The following ATG2B variants were observed in gnomAD, a reference collection of about 807,000 sequenced individuals.
The protein encoded by ATG2B is autophagy-related protein 2 homolog B.
Under a neutral mutation model 241.3 loss-of-function variants are expected in ATG2B, and 121 were observed. The ratio of observed to expected loss-of-function variants is 0.50; its 90% CI spans 0.43 to 0.58. ATG2B has a LOEUF of 0.58. Among genes scored for constraint, ATG2B ranks in the 20% least tolerant of loss-of-function variants. ATG2B has a pLI of 0.00. For missense variants in ATG2B, 2,306 were observed against 2,491.6 expected, an observed-to-expected ratio of 0.93 and a Z score of 1.59; for synonymous variants, 858 against 876.6, an observed-to-expected ratio of 0.98 and a Z score of 0.37.
chr14:96,312,494 C>A (rs764930332), intron 25 of ATG2B, among the ~76,000 whole-genome samples: 38 of 152,104 alleles, frequency 2.5e-4, no homozygotes, highest in Admixed American at 8.5e-4. Flanking sequence ...GTAATCCCAG[C>A]CGTTTGGGAG....
At chr14:96,332,259 A>T (rs758693355) in intron 10 of ATG2B, 46 bp downstream of exon 10, 21 of 1,479,658 alleles carry the variant, frequency 1.4e-5, no homozygotes, top group African/African-American at 1.3e-4. Flanking sequence ...ATGGCATTTT[A>T]AAAATTCCAG....
rs142232594 is a variant in ATG2B at position 96,301,735 on chromosome 14, G to A, written c.5139+272C>T. On this transcript the variant is annotated intron_variant, in intron 34 of 41. Transcript: ENST00000359933. ...AAATGTATGCATATCTGAACTGGGAGTAGAGTACTTGAGGATTAGAGAACA... is the reference window on the plus strand; with the variant it reads ...AAATGTATGCATATCTGAACTGGGAATAGAGTACTTGAGGATTAGAGAACA... Among the ~76,000 whole-genome samples the A allele has an allele frequency of 4.2e-3, 647 of 152,296 alleles. 26 individuals carry two copies. In the South Asian group the frequency reaches 0.067, roughly 16 times the overall value.
chr14:96,327,026 A>C (rs1263861841), intron 14 of ATG2B, among the ~76,000 whole-genome samples: 5 of 152,196 alleles, frequency 3.3e-5, no homozygotes, highest in Non-Finnish European at 5.9e-5. Context: ...ATAACTAGCA[A>C]TTGATAACAA....
rs1257075197 is a variant in ATG2B at position 96,317,226 on chromosome 14, A to G, written c.3129T>C (p.Ser1043=). The G allele has an allele frequency of 3.1e-6, 5 of 1,613,678 alleles. No individual in the cohort carries two copies. The highest frequency in any genetic ancestry group is 4.2e-6 in the Non-Finnish European group (5 of 1,179,722). ...YRSRRKKKLD[S]QNKNSQSFLS... is the part of the protein sequence containing the mutation. ...GAAAACTCTGAGAGTTCTTGTTCTGAGAGTCTAATTTTTTTTTCCTGCGAG... is the reference window on the plus strand; with the variant it reads ...GAAAACTCTGAGAGTTCTTGTTCTGGGAGTCTAATTTTTTTTTCCTGCGAG... The change falls in exon 20 of 42, where the codon TCT becomes TCC. Residue 1043 remains serine, a synonymous_variant. Transcript: ENST00000359933.
At position 96,311,633 on chromosome 14, in the gene ATG2B, A is replaced by G; in HGVS notation, c.3914-15T>C. ...ACGAACATAATCTAAAATTTTTAAA[A>G]TTAAGAAAATCTCTTCAGTACAGCT... On this transcript the variant is annotated splice_polypyrimidine_tract_variant and intron_variant, in intron 26 of 41. Coordinates refer to ENST00000359933, the MANE Select transcript of ATG2B (RefSeq NM_018036.7). 2 of 1,571,244 alleles carry G rather than the reference A, an allele frequency of 1.3e-6. No individual in the cohort carries two copies. The highest frequency in any genetic ancestry group is 1.7e-6 in the Non-Finnish European group (2 of 1,143,904).
chr14:96,328,679 G>A lies in ATG2B; in HGVS notation c.1969C>T (p.Pro657Ser), dbSNP rs767925669. The A allele has an allele frequency of 5.0e-6, 8 of 1,600,378 alleles. No homozygotes were observed. The South Asian group carries it at 8.0e-5, about 16-fold the overall frequency. The part of the protein sequence containing the change: ...LHYKHSENRG[P>S]QGNQARLSSV... ...TATAGAAAAAGATCTCTTACCTGGG[G>A]CCCTCTATTCTCAGAATGCTTATAA... Residue 657 changes from proline (P) to serine (S), a missense_variant, in exon 13 of 42, where the codon CCC (proline) becomes TCC (serine). By Grantham distance (74) the Pro-to-Ser change is moderately conservative. Around this residue, in one of 2 missense-constraint regions of ATG2B, gnomAD observed 1,927 missense variants for 2,011.2 expected, o/e 0.96. Coordinates refer to ENST00000359933, the MANE Select transcript of ATG2B (RefSeq NM_018036.7).
chr14:96,328,686 A>G lies in ATG2B; in HGVS notation c.1962T>C (p.Asn654=), dbSNP rs535802643. The change falls in exon 13 of 42, where the codon AAT becomes AAC. Residue 654 remains asparagine, a synonymous_variant. Transcript: ENST00000359933. The part of the protein sequence containing the change: ...CLQLHYKHSE[N]RGPQGNQARL... ...AAAGATCTCTTACCTGGGGCCCTCT[A>G]TTCTCAGAATGCTTATAATGAAGCT... 239 of 1,607,140 alleles carry G rather than the reference A, an allele frequency of 1.5e-4. 2 individuals are homozygous for G. The South Asian group carries it at 2.6e-3, about 17-fold the overall frequency.
At position 96,362,797 on chromosome 14, in the gene ATG2B, G is replaced by C. The variant is rs1888702292; in HGVS notation, c.162+18C>G. 3 of 1,583,412 alleles carry C rather than the reference G, an allele frequency of 1.9e-6. No homozygotes were observed. The highest frequency in any genetic ancestry group is 2.6e-6 in the Non-Finnish European group (3 of 1,162,418). On this transcript the variant is annotated intron_variant, in intron 1 of 41. Transcript: ENST00000359933. ...GAGGGGAGCGAGCCCCGCCCGGCTCGCCGCCGGCAGCTCTTACCCATTTGT... is the reference window on the plus strand; with the variant it reads ...GAGGGGAGCGAGCCCCGCCCGGCTCCCCGCCGGCAGCTCTTACCCATTTGT...
At chr14:96,293,078 T>C (rs545172799) in intron 36 of ATG2B, 2 of 152,372 alleles carry the variant, frequency 1.3e-5, no homozygotes, top group South Asian at 2.1e-4. Context: ...GGTTGTACAC[T>C]GATGGTACAC....
chr14:96,353,322 A>G (rs1888382772), intron 1 of ATG2B, among the ~76,000 whole-genome samples: 1 of 152,214 alleles, frequency 6.6e-6, no homozygotes, highest in African/African-American at 2.4e-5. Context: ...CCACTAAGAA[A>G]CAATTTAAAA....
rs183431543 is a variant in ATG2B, at chr14:96,327,447, C to T, written c.2163+900G>A. ...TGATTTAATTTGCTTAGAAAAGACC[C>T]CAGGCACCAGATGCAAGTAAAAGTG... On this transcript the variant is annotated intron_variant, in intron 14 of 41. Coordinates refer to ENST00000359933, the MANE Select transcript of ATG2B (RefSeq NM_018036.7). Among the ~76,000 whole-genome samples the T allele has an allele frequency of 1.8e-3, 271 of 152,166 alleles. 1 individual carries two copies. Among genetic ancestry groups the T allele is most frequent in the Admixed American group, 2.8e-3 (43 of 15,288 alleles).
At position 96,335,235 on chromosome 14, in the gene ATG2B, CTCT is replaced by C. The variant is rs1312940705; in HGVS notation, c.925-737_925-735del. On this transcript the variant is annotated intron_variant, in intron 6 of 41. Coordinates refer to ENST00000359933, the MANE Select transcript of ATG2B (RefSeq NM_018036.7). ...CCCTGCCTTACTTTTCATTCGCCTCCTCTTAACACTGACTCCTATTATTTTTAT... is the reference window on the plus strand; with the variant it reads ...CCCTGCCTTACTTTTCATTCGCCTCCTAACACTGACTCCTATTATTTTTAT... Among the ~76,000 whole-genome samples the C allele has an allele frequency of 5.9e-5, 9 of 152,280 alleles. No individual in the cohort carries two copies. The East Asian group carries it at 1.2e-3, about 20-fold the overall frequency.
At chr14:96,308,253 C>CATATAT (rs1309788039) in intron 29 of ATG2B, among the ~76,000 whole-genome samples, 3 of 36,428 alleles carry the variant, frequency 8.2e-5, no homozygotes, top group Non-Finnish European at 1.3e-4. Context: ...TATATATATA[C>CATATAT]ACACATATAT....
rs191803986 is a variant in ATG2B, at chr14:96,313,069, G to A, written c.3838C>T (p.Leu1280Phe). 10 of 1,600,306 alleles carry A rather than the reference G, an allele frequency of 6.2e-6. No homozygotes were observed. The Admixed American group carries it at 1.2e-4, about 19-fold the overall frequency. ...CAATGAAGTTTACACAGGTACCTGAGAGTAGAGGAAGATTTATCCAATGCA... is the reference window on the plus strand; with the variant it reads ...CAATGAAGTTTACACAGGTACCTGAAAGTAGAGGAAGATTTATCCAATGCA... ...SVALDKSSST[L>F]RIILDEAALH... Residue 1280 changes from leucine (L) to phenylalanine (F), a missense_variant, in exon 25 of 42, where the codon CTC becomes TTC. By Grantham distance (22) the Leu-to-Phe change is conservative. Coordinates refer to ENST00000359933, the MANE Select transcript of ATG2B (RefSeq NM_018036.7).
At chr14:96,294,470 G>A (rs760928328) in intron 36 of ATG2B, among the ~76,000 whole-genome samples, 8 of 152,200 alleles carry the variant, frequency 5.3e-5, no homozygotes, top group Non-Finnish European at 7.4e-5. Context: ...GCAGCACAGC[G>A]GACCTGGGTC....
intron 33 of ATG2B, 79 bp downstream of exon 33, chr14:96,302,982 C>T: frequency 8.9e-7 from 1 of 1,118,252 alleles, no homozygotes; most frequent in Non-Finnish European, 1.2e-6. Flanking sequence ...ATTTTCCCTA[C>T]TTTAACTCTC....
intron 36 of ATG2B, among the ~76,000 whole-genome samples, 187 bp downstream of exon 36, chr14:96,294,773 G>C (rs918340352): frequency 6.6e-6 from 1 of 152,196 alleles, no homozygotes; most frequent in African/African-American, 2.4e-5. Flanking sequence ...TTTGGAACCA[G>C]GTTACTATGT....
intron 23 of ATG2B, 96 bp downstream of exon 23, chr14:96,315,058 A>G (rs1887269318): frequency 1.2e-6 from 1 of 844,158 alleles, no homozygotes; most frequent in Non-Finnish European, 1.9e-6. Context: ...TAATTCACTG[A>G]GCTGAACATT....
chr14:96,342,041 C>T lies in ATG2B; in HGVS notation c.745-340G>A, dbSNP rs986859746. 3.3e-5 allele frequency among the ~76,000 whole-genome samples: 5 copies of T among 152,274 alleles called. No homozygotes were observed. In the South Asian group the frequency reaches 1.0e-3, roughly 32 times the overall value. On this transcript the variant is annotated intron_variant, in intron 5 of 41. Transcript: ENST00000359933. ...AAAAGGCAAATTATACAGTGACTGA[C>T]TTATAAAAGGACTCTCCTCTTGGAA... is the stretch of plus-strand genomic sequence containing the variant.
Sources: gnomAD v4.1 joint callset for allele counts (sites outside exome capture counted in the v4.1 genomes callset) on GRCh38, gnomAD v4.1.1 for gene constraint, gnomAD v4.1.1 regional missense constraint, MANE v1.5 for transcripts, NCBI Gene and HGNC (gene_info 2026-07-23, HGNC 2026-07-21) for gene names.